NOBOX: variants seen among roughly 807,000 people sequenced by gnomAD.
NOBOX encodes homeobox protein NOBOX.
In NOBOX, 46 loss-of-function variants were observed where a neutral mutation model predicts 60.2. That is an observed-to-expected ratio of 0.76 (90% CI 0.60 to 0.98). NOBOX has a LOEUF of 0.98. Ranked by LOEUF, NOBOX falls within the 50% of genes least tolerant of loss-of-function variation. The pLI is 0.00. For synonymous variants in NOBOX, 360 were observed against 346.3 expected, an observed-to-expected ratio of 1.04 and a Z score of -0.44; for missense variants, 880 against 865.5, an observed-to-expected ratio of 1.02 and a Z score of -0.21.
chr7:144,410,098 T>TGTG, intron 1 of NOBOX: 1 of 1,225,158 alleles, frequency 8.2e-7, no homozygotes. Flanking sequence ...CTGTTCAGAG[T>TGTG]GTGGTGCTCA....
Position 144,401,985 on chromosome 7 carries a change from T to TTGC in NOBOX, c.211-36_211-35insGCA. 6.8e-7 allele frequency: 1 copy of TTGC among 1,480,234 alleles called. No homozygotes were observed. Among genetic ancestry groups the TTGC allele is most frequent in the Non-Finnish European group, 9.4e-7 (1 of 1,059,592 alleles). 91.7% of individuals were successfully genotyped at this position (1,480,234 alleles called of 1,614,324 possible). Reference sequence around the variant, plus strand: ...GACCAGGAAGACAAAGAGAAACAGATTGACAGAGATTCTGCTTCTCCCAAG... The same window carrying TTGC: ...GACCAGGAAGACAAAGAGAAACAGATTGCTGACAGAGATTCTGCTTCTCCCAAG... On this transcript the variant is annotated intron_variant, in intron 2 of 9. Coordinates refer to ENST00000467773, the MANE Select transcript of NOBOX (RefSeq NM_001080413.3). The surrounding 1 kb of genome is among the most constrained non-coding windows in gnomAD (Gnocchi z 4.2).
chr7:144,398,403 A>G lies in NOBOX; in HGVS notation c.1653T>C (p.Leu551=), dbSNP rs1467601148. Residue 551 remains leucine (L), a synonymous_variant, in exon 9 of 10, where the codon CTT becomes CTC. Transcript: ENST00000467773. Reference sequence around the variant, plus strand: ...TAAAGAGAGAGTCTTCGGGCGGTGGAAGCGTCAGTGAACTGGGCATGGAGA... The same window carrying G: ...TAAAGAGAGAGTCTTCGGGCGGTGGGAGCGTCAGTGAACTGGGCATGGAGA... 1.0e-5 allele frequency: 16 copies of G among 1,537,206 alleles called. No individual in the cohort carries two copies. The East Asian group carries it at 3.9e-4, about 38-fold the overall frequency.
Position 144,399,092 on chromosome 7 carries a change from A to C in NOBOX, c.1327T>G (p.Phe443Val). 1.0e-6 allele frequency: 1 copy of C among 952,880 alleles called. No homozygotes were observed. Among genetic ancestry groups the C allele is most frequent in the Non-Finnish European group, 1.6e-6 (1 of 618,136 alleles). The allele number at this position is 952,880 out of a possible 1,614,324, so 59.0% of individuals were successfully genotyped here. A position where few individuals can be genotyped will look rare whatever the true frequency, so the allele number is the denominator to read the frequency against. ...GCCCTTCGCACAGGTGGGGGGCTGA[A>C]GAGTGGGGGGGTCACCACCCTCTGA... The change falls in exon 8 of 10, where the codon TTC becomes GTC. Residue 443 changes from phenylalanine (F) to valine (V), a missense_variant. By Grantham distance (50) the Phe-to-Val change is conservative. Transcript: ENST00000467773.
chr7:144,408,253 T>C (rs79398378), intron 1 of NOBOX, among the ~76,000 whole-genome samples: 2 of 149,896 alleles, frequency 1.3e-5, no homozygotes, highest in Middle Eastern at 3.5e-3. Context: ...TTTTTTTTTT[T>C]CCTGGCAAAG....
chr7:144,400,210 A>G lies in NOBOX; in HGVS notation c.947T>C (p.Ile316Thr). Residue 316 changes from isoleucine to threonine, a missense_variant, in exon 5 of 10, where the codon ATC (isoleucine) becomes ACC (threonine). Physicochemically the swap from Ile to Thr is moderately conservative, Grantham distance 89. Coordinates refer to ENST00000467773, the MANE Select transcript of NOBOX (RefSeq NM_001080413.3). ...CAGTGAGCCGGCCCCCTTTACCATGATGCGCTGGGGGGTCACCCCCACCGT... is the reference window on the plus strand; with the variant it reads ...CAGTGAGCCGGCCCCCTTTACCATGGTGCGCTGGGGGGTCACCCCCACCGT... 6.2e-7 allele frequency: 1 copy of G among 1,613,988 alleles called. No homozygotes were observed. The highest frequency in any genetic ancestry group is 8.5e-7 in the Non-Finnish European group (1 of 1,179,884).
intron 1 of NOBOX, among the ~76,000 whole-genome samples, chr7:144,408,679 C>T (rs1159661332): frequency 6.6e-6 from 1 of 152,208 alleles, no homozygotes; most frequent in East Asian, 1.9e-4. Flanking sequence ...CACTAGGCTA[C>T]ACTGTTTATT....
At position 144,404,590 on chromosome 7, in the gene NOBOX, C is replaced by G. The variant is rs761837506; in HGVS notation, c.176G>C (p.Arg59Pro). The change falls in exon 2 of 10, where the codon CGG (arginine) becomes CCG (proline). Residue 59 changes from arginine (R) to proline (P), a missense_variant. Coordinates refer to ENST00000467773, the MANE Select transcript of NOBOX (RefSeq NM_001080413.3). ...GGTCTCCAGAGCACAAAGGCTGCAC[C>G]GGATGATGAAGAAGGAGCTGAAAGA... is the stretch of plus-strand genomic sequence containing the variant. 7 of 1,613,672 alleles carry G rather than the reference C, an allele frequency of 4.3e-6. No homozygotes were observed. In the South Asian group the frequency reaches 5.5e-5, roughly 13 times the overall value.
chr7:144,400,401 C>T, intron 4 of NOBOX, 89 bp from the exon 3 acceptor site: 2 of 1,167,348 alleles, frequency 1.7e-6, no homozygotes, highest in Admixed American at 1.9e-5. Flanking sequence ...GTATCTCCAA[C>T]AGATGGGGCC....
At chr7:144,404,288 G>A (rs1195128113) in intron 2 of NOBOX, among the ~76,000 whole-genome samples, 3 of 152,264 alleles carry the variant, frequency 2.0e-5, no homozygotes, top group Middle Eastern at 3.4e-3. Flanking sequence ...TTGCTCTGTC[G>A]CCCAGGCTGG....
At chr7:144,400,905 G>A (rs956360194) in intron 4 of NOBOX, 141 bp downstream of exon 2, 20 of 596,246 alleles carry the variant, frequency 3.4e-5, no homozygotes, top group Non-Finnish European at 4.1e-5. Context: ...GCACTACCGC[G>A]GCCCAAGAGA....
intron 5 of NOBOX, 104 bp from the exon 4 acceptor site, chr7:144,399,967 C>T: frequency 1.6e-6 from 2 of 1,273,600 alleles, no homozygotes; most frequent in Non-Finnish European, 2.2e-6. Flanking sequence ...AAGGTCACTC[C>T]AGCACTCTGC....
intron 2 of NOBOX, among the ~76,000 whole-genome samples, chr7:144,404,183 C>G (rs1311564224): frequency 6.6e-6 from 1 of 152,166 alleles, no homozygotes; most frequent in Non-Finnish European, 1.5e-5. Flanking sequence ...GCTGGGTTGC[C>G]CAACTCCCAT....
chr7:144,402,259 C>G (rs1443536279), intron 2 of NOBOX, among the ~76,000 whole-genome samples: 3 of 150,454 alleles, frequency 2.0e-5, no homozygotes, highest in Admixed American at 1.3e-4. Context: ...TCTGGTAAAC[C>G]TCTCTTTCGA....
Position 144,398,360 on chromosome 7 carries a change from T to C in NOBOX, c.1696A>G (p.Ser566Gly). The C allele has an allele frequency of 6.5e-7, 1 of 1,536,974 alleles. No individual in the cohort carries two copies. The highest frequency in any genetic ancestry group is 1.7e-4 in the Middle Eastern group (1 of 5,990). The change falls in exon 9 of 10, where the codon AGC (serine) becomes GGC (glycine). Residue 566 changes from serine to glycine, a missense_variant. Coordinates refer to ENST00000467773, the MANE Select transcript of NOBOX (RefSeq NM_001080413.3). ...CAATAGCCCTGCGATGTGCCCCCGC[T>C]GGGGCCACAGGGAAACATAAAGAGA...
In NOBOX at chr7:144,401,436, C is replaced by T. The variant is rs201806397; in HGVS notation, c.454G>A (p.Gly152Arg). Residue 152 changes from glycine (G) to arginine (R), a missense_variant, in exon 4 of 10, where the codon GGG (glycine) becomes AGG (arginine). Gly to Arg is a moderately radical substitution (Grantham distance 125). Transcript: ENST00000467773. The surrounding 1 kb of genome is among the most constrained non-coding windows in gnomAD (Gnocchi z 4.2). ...GGGCACAGTCTCCCAGCATCAGCCC[C>T]GGTGGCTTCTCCAGAGACTGCTGGC... 3.9e-3 allele frequency: 6,298 copies of T among 1,606,198 alleles called. 19 individuals carry two copies. The highest frequency in any genetic ancestry group is 4.4e-3 in the Non-Finnish European group (5,196 of 1,176,010).
intron 6 of NOBOX, 72 bp downstream of exon 4, chr7:144,399,685 A>T: frequency 7.6e-7 from 1 of 1,324,472 alleles, no homozygotes; most frequent in Non-Finnish European, 1.1e-6. Flanking sequence ...GTCTCCTTCT[A>T]GACCCTCAGG....
chr7:144,401,959 G>C lies in NOBOX; in HGVS notation c.211-9C>G, dbSNP rs1158215869. Reference sequence around the variant, plus strand: ...AAGGGATCATGTTGGGGCTGCGGATGGACCAGGAAGACAAAGAGAAACAGA... The same window carrying C: ...AAGGGATCATGTTGGGGCTGCGGATCGACCAGGAAGACAAAGAGAAACAGA... On this transcript the variant is annotated splice_polypyrimidine_tract_variant and intron_variant, in intron 2 of 9. Transcript: ENST00000467773. This position sits in a 1 kb window ranked among gnomAD's most constrained non-coding sequence, Gnocchi z 4.2. The C allele has an allele frequency of 6.3e-7, 1 of 1,599,360 alleles. No homozygotes were observed. The highest frequency in any genetic ancestry group is 1.3e-5 in the African/African-American group (1 of 74,578).
Position 144,401,845 on chromosome 7 carries a change from A to T in NOBOX, c.292+24T>A, listed in dbSNP as rs565160722. On this transcript the variant is annotated intron_variant, in intron 3 of 9. Transcript: ENST00000467773. This position sits in a 1 kb window ranked among gnomAD's most constrained non-coding sequence, Gnocchi z 4.2. ...TTCTGAGACGGCGTTAGCTCATGGT[A>T]TCTCCTAATTTGGGGGTACTCACCC... is the stretch of plus-strand genomic sequence containing the variant. 3 of 1,467,960 alleles carry T rather than the reference A, an allele frequency of 2.0e-6. No homozygotes were observed. In the South Asian group the frequency reaches 3.5e-5, roughly 17 times the overall value. The allele number at this position is 1,467,960 out of a possible 1,614,324, so 90.9% of individuals were successfully genotyped here. A position where few individuals can be genotyped will look rare whatever the true frequency, so the allele number is the denominator to read the frequency against.
In NOBOX at chr7:144,401,253, C is replaced by A. The variant is rs926981056; in HGVS notation, c.637G>T (p.Gly213Cys). ...CCCGGAGATGATGTTGGGGCCAGAC[C>A]CATGGCATTAGGCTTTTTCTGCTTC... The change falls in exon 4 of 10, where the codon GGT becomes TGT. Residue 213 changes from glycine (G) to cysteine (C), a missense_variant. Physicochemically the swap from Gly to Cys is radical, Grantham distance 159. Coordinates refer to ENST00000467773, the MANE Select transcript of NOBOX (RefSeq NM_001080413.3). This position sits in a 1 kb window ranked among gnomAD's most constrained non-coding sequence, Gnocchi z 4.2. The A allele has an allele frequency of 1.2e-6, 2 of 1,613,564 alleles. No individual in the cohort carries two copies. Among genetic ancestry groups the A allele is most frequent in the Non-Finnish European group, 1.7e-6 (2 of 1,179,730 alleles).
Sources: gnomAD v4.1 joint callset for allele counts (sites outside exome capture counted in the v4.1 genomes callset) on GRCh38, gnomAD v4.1.1 for gene constraint, Gnocchi (gnomAD v3.1) non-coding constraint, MANE v1.5 for transcripts, NCBI Gene and HGNC (gene_info 2026-07-23, HGNC 2026-07-21) for gene names.